STRA6: variants seen among roughly 807,000 people sequenced by gnomAD.
STRA6 encodes the protein receptor for retinol uptake STRA6.
A neutral mutation model predicts 83.6 loss-of-function variants in STRA6; 48 were observed. The observed-to-expected ratio is 0.57, with a 90% CI of 0.46 to 0.73. The LOEUF (loss-of-function observed/expected upper bound fraction) is 0.73. STRA6 is among the 30% of genes least tolerant of loss of function. The pLI, the probability that STRA6 is intolerant of heterozygous loss-of-function variation, is 0.00. For missense variants in STRA6, 760 were observed against 838.8 expected (o/e 0.91, Z 1.16); for synonymous variants, 353 against 362.3 (o/e 0.97, Z 0.29).
exon 1 of STRA6, chr15:74,208,802 C>T: frequency 1.0e-6 from 1 of 989,088 alleles, no homozygotes; most frequent in South Asian, 4.7e-5. Context: ...CAGCCTACCT[C>T]CAATCAAGCG....
Position 74,183,944 on chromosome 15 carries a change from A to T in STRA6, c.1212T>A (p.Ser404Arg). 1 of 1,613,808 alleles carries T rather than the reference A, an allele frequency of 6.2e-7. No homozygotes were observed. The highest frequency in any genetic ancestry group is 8.5e-7 in the Non-Finnish European group (1 of 1,180,020). Residue 404 changes from serine to arginine, a missense_variant, in exon 14 of 19, where the codon AGT becomes AGA. Coordinates refer to ENST00000395105, the MANE Select transcript of STRA6 (RefSeq NM_022369.4). ...AGGGATGGGGACTCCGATGCAAGGG[A>T]CTCAAGTCCAGGGCAGCTCCTCGGT... The part of the protein sequence containing the change: ...ALHRGAALDL[S>R]PLHRSPHPSR...
chr15:74,199,630 G>A (rs2073969385), intron 2 of STRA6, among the ~76,000 whole-genome samples: 2 of 152,214 alleles, frequency 1.3e-5, no homozygotes, highest in African/African-American at 4.8e-5. Context: ...TGCCCTCCAG[G>A]GCCCTGCCTG....
Position 74,191,079 on chromosome 15 carries a change from A to G in STRA6, c.865+88T>C, listed in dbSNP as rs751943953. The G allele has an allele frequency of 3.8e-6, 6 of 1,576,996 alleles. No individual in the cohort carries two copies. The Admixed American group carries it at 1.1e-4, about 29-fold the overall frequency. ...CCTCTTGATGACAAGGATTCTGGGG[A>G]GCAGGAGCCAGTCCTCCACTGCAGC... On this transcript the variant is annotated intron_variant, in intron 10 of 18. Coordinates refer to ENST00000395105, the MANE Select transcript of STRA6 (RefSeq NM_022369.4).
intron 7 of STRA6, chr15:74,194,383 T>C (rs776180256): frequency 2.2e-5 from 23 of 1,064,302 alleles, no homozygotes; most frequent in Non-Finnish European, 2.6e-5. Context: ...TACTCATTCA[T>C]TTATTTGTTG....
At chr15:74,194,868 A>AAGG in intron 7 of STRA6, 5 of 1,359,916 alleles carry the variant, frequency 3.7e-6, no homozygotes, top group Non-Finnish European at 4.7e-6. Context: ...GCCAGTGAGC[A>AAGG]AGGTCCTGAG....
chr15:74,194,639 C>G (rs1387119960), intron 7 of STRA6: 1 of 714,660 alleles, frequency 1.4e-6, no homozygotes, highest in East Asian at 3.4e-5. Flanking sequence ...AGTGACGGCT[C>G]TTGGGAGGCT....
chr15:74,187,384 G>A (rs2073305932), intron 12 of STRA6, among the ~76,000 whole-genome samples: 1 of 152,122 alleles, frequency 6.6e-6, no homozygotes, highest in Non-Finnish European at 1.5e-5. Context: ...TGTGATTGAG[G>A]GCCTCAAGGG....
chr15:74,181,143 C>T, intron 17 of STRA6, 152 bp downstream of exon 17: 2 of 1,366,836 alleles, frequency 1.5e-6, no homozygotes, highest in Non-Finnish European at 2.0e-6. Context: ...TGCAGGGCCA[C>T]AGGAGGCACA....
chr15:74,209,655 C>T, upstream of STRA6: 1 of 567,770 alleles, frequency 1.8e-6, no homozygotes, highest in Non-Finnish European at 3.1e-6. Flanking sequence ...TACATGCCTG[C>T]AACCTCCAAC....
chr15:74,189,149 C>T lies in STRA6; in HGVS notation c.1056G>A (p.Val352=), dbSNP rs142816380. 8.1e-6 allele frequency: 13 copies of T among 1,614,046 alleles called. No individual in the cohort carries two copies. The African/African-American group carries it at 1.7e-4, about 22-fold the overall frequency. The change falls in exon 12 of 19, where the codon GTG becomes GTA. Residue 352 remains valine (V), a synonymous_variant. Coordinates refer to ENST00000395105, the MANE Select transcript of STRA6 (RefSeq NM_022369.4). The part of the protein sequence containing the change: ...IVLSEDKQEV[V]ELVKHHLWAL... ...CCCACAGATGGTGCTTCACCAGCTC[C>T]ACCACCTCCTGCTTGTCCTCGGAGA...
In STRA6 at chr15:74,194,000, A is replaced by AC; in HGVS notation, c.598-79dup. On this transcript the variant is annotated intron_variant, in intron 7 of 18. Transcript: ENST00000395105. ...AGAACCAGAATCCGTTGCCCTTCCC[A>AC]CCTCACACTGGGCCCTGAGGGTGGT... 1.9e-6 allele frequency: 3 copies of AC among 1,586,406 alleles called. No individual in the cohort carries two copies. The South Asian group carries it at 3.3e-5, about 18-fold the overall frequency.
At chr15:74,211,080 G>C (rs2074360712), upstream of STRA6, among the ~76,000 whole-genome samples, 1 of 151,992 alleles carries the variant, frequency 6.6e-6, no homozygotes, top group Non-Finnish European at 1.5e-5. Context: ...GAGGCCACAT[G>C]ATGTGCCAGG....
chr15:74,197,907 G>C, intron 2 of STRA6, 89 bp from the exon 3 acceptor site: 1 of 1,383,698 alleles, frequency 7.2e-7, no homozygotes, highest in Non-Finnish European at 1.0e-6. Flanking sequence ...TTCACACTGA[G>C]GCTTTACCCA....
chr15:74,191,540 T>TGGG, intron 8 of STRA6, 49 bp from the exon 9 acceptor site: 4 of 1,520,430 alleles, frequency 2.6e-6, no homozygotes, highest in Non-Finnish European at 3.7e-6. Context: ...CCTCGACCCA[T>TGGG]TCGTGGGTCC....
At chr15:74,209,665 C>T (rs901926459), upstream of STRA6, 14 of 550,066 alleles carry the variant, frequency 2.5e-5, no homozygotes, top group African/African-American at 2.1e-4. Flanking sequence ...CAACCTCCAA[C>T]GCTGCTGGAC....
In STRA6 at chr15:74,191,467, C is replaced by T; in HGVS notation, c.745G>A (p.Glu249Lys). The change falls in exon 9 of 19, where the codon GAA becomes AAA. Residue 249 changes from glutamate to lysine, a missense_variant. Physicochemically the swap from Glu to Lys is moderately conservative, Grantham distance 56. Transcript: ENST00000395105. ...SKGLQSSYSEEYLRNLLCRKK... is the reference protein window; with the variant it reads ...SKGLQSSYSEKYLRNLLCRKK... ...CTGCAAAGGAGGTTCCTCAGATATT[C>T]CTCAGAGTAGCTGCTCTGCAGCCCC... 6 of 1,614,198 alleles carry T rather than the reference C, an allele frequency of 3.7e-6. No individual in the cohort carries two copies. Among genetic ancestry groups the T allele is most frequent in the South Asian group, 1.1e-5 (1 of 91,084 alleles).
intron 14 of STRA6, chr15:74,183,177 C>T (rs2073076011): frequency 6.1e-6 from 1 of 163,992 alleles, no homozygotes; most frequent in Non-Finnish European, 1.3e-5. Context: ...TCTCTCAGGG[C>T]AGGACCCCCT....
rs28447005 is a variant in STRA6 at position 74,179,696 on chromosome 15, A to G, written c.*384T>C. On this transcript the variant is annotated 3_prime_UTR_variant, in exon 19 of 19. Coordinates refer to ENST00000395105, the MANE Select transcript of STRA6 (RefSeq NM_022369.4). ...GAGGAAGTGCCTTGGCTGCTTCCAC[A>G]GCGTGAAGGCCAAGGCTGAGGTGGA... is the stretch of plus-strand genomic sequence containing the variant. 4.6e-3 allele frequency: 900 copies of G among 194,406 alleles called. 11 individuals carry two copies. Among genetic ancestry groups the G allele is most frequent in the African/African-American group, 0.02 (854 of 43,174 alleles). 12.0% of individuals were successfully genotyped at this position (194,406 alleles called of 1,614,324 possible). A position where few individuals can be genotyped will look rare whatever the true frequency, so the allele number is the denominator to read the frequency against.
rs1209269617 is a variant in STRA6, at chr15:74,188,785, C to T, written c.1090+330G>A. ...CACCATCTCCCTTCGCCGTCTCTTC[C>T]CTCCTTCCCCACCCTCAGCTCCCCC... On this transcript the variant is annotated intron_variant, in intron 12 of 18. Coordinates refer to ENST00000395105, the MANE Select transcript of STRA6 (RefSeq NM_022369.4). The surrounding 1 kb of genome is among the most constrained non-coding windows in gnomAD (Gnocchi z 4.5). 1.3e-5 allele frequency among the ~76,000 whole-genome samples: 2 copies of T among 152,140 alleles called. No individual in the cohort carries two copies. Among genetic ancestry groups the T allele is most frequent in the African/African-American group, 2.4e-5 (1 of 41,440 alleles).
Sources: allele counts gnomAD v4.1 joint callset (sites outside exome capture counted in the v4.1 genomes callset), GRCh38; gene constraint gnomAD v4.1.1; non-coding constraint Gnocchi (gnomAD v3.1); transcripts MANE v1.5; gene names NCBI Gene and HGNC (gene_info 2026-07-23, HGNC 2026-07-21).